The following CYP2C18 variants were observed in gnomAD, a reference collection of about 807,000 sequenced individuals.
CYP2C18 encodes the protein cytochrome P450 2C18.
In CYP2C18, 38 loss-of-function variants were observed where a neutral mutation model predicts 41.3. The observed-to-expected ratio is 0.92, with a 90% CI of 0.71 to 1.21. The LOEUF is 1.21. Ranked by LOEUF, CYP2C18 falls within the 50% of genes most tolerant of loss-of-function variation. CYP2C18 has a pLI of 0.00. For synonymous variants in CYP2C18, 236 were observed against 210.0 expected (o/e 1.12, Z -1.07); for missense variants, 635 against 591.4 (o/e 1.07, Z -0.77).
At chr10:94,723,801 GAGTC>G (rs1205819579) in intron 6 of CYP2C18, among the ~76,000 whole-genome samples, 4 of 152,054 alleles carry the variant, frequency 2.6e-5, no homozygotes, top group Admixed American at 2.6e-4. Context: ...AATAAAAAGA[GAGTC>G]AGTATTTAGA....
At chr10:94,691,385 A>C (rs779464153) in intron 3 of CYP2C18, among the ~76,000 whole-genome samples, 116 of 152,318 alleles carry the variant, frequency 7.6e-4, no homozygotes, top group Non-Finnish European at 1.4e-3. Context: ...AATAGCAGAC[A>C]AACAGAGAGC....
intron 7 of CYP2C18, among the ~76,000 whole-genome samples, chr10:94,725,859 T>C (rs1184074523): frequency 6.6e-6 from 1 of 152,122 alleles, no homozygotes; most frequent in Non-Finnish European, 1.5e-5. Flanking sequence ...GAGACATTGG[T>C]TTGCAATTTT....
intron 5 of CYP2C18, among the ~76,000 whole-genome samples, chr10:94,714,933 T>C (rs1306245323): frequency 6.6e-6 from 1 of 152,188 alleles, no homozygotes; most frequent in Non-Finnish European, 1.5e-5. Flanking sequence ...TTATTCTCTT[T>C]GAAGCAATTG....
intron 7 of CYP2C18, among the ~76,000 whole-genome samples, chr10:94,725,438 C>T (rs1847723497): frequency 6.6e-6 from 1 of 151,444 alleles, no homozygotes; most frequent in Admixed American, 6.6e-5. Flanking sequence ...TCTTATTTTT[C>T]AATTCTTATA....
At position 94,735,191 on chromosome 10, in the gene CYP2C18, T is replaced by G. The variant is rs111784946; in HGVS notation, c.1292-72T>G. ...TCTATTTAATCATTTATCAAATAGT[T>G]ACTGCATACTCTTTGTGACTGTTCA... On this transcript the variant is annotated intron_variant, in intron 8 of 8. Transcript: ENST00000285979. The G allele has an allele frequency of 6.3e-4, 880 of 1,399,016 alleles. 5 individuals are homozygous for G. The African/African-American group carries it at 8.0e-3, about 13-fold the overall frequency. The allele number at this position is 1,399,016 out of a possible 1,614,324, so 86.7% of individuals were successfully genotyped here. A position where few individuals can be genotyped will look rare whatever the true frequency, so the allele number is the denominator to read the frequency against.
At chr10:94,697,284 A>C (rs543650037) in intron 4 of CYP2C18, among the ~76,000 whole-genome samples, 2 of 152,222 alleles carry the variant, frequency 1.3e-5, no homozygotes, top group Non-Finnish European at 2.9e-5. Context: ...CTGATCTCTC[A>C]GCAGAAACTC....
intron 1 of CYP2C18, among the ~76,000 whole-genome samples, chr10:94,685,114 G>A (rs1846861858): frequency 6.6e-6 from 1 of 151,856 alleles, no homozygotes; most frequent in Non-Finnish European, 1.5e-5. Flanking sequence ...GGTCCCTGCA[G>A]CCTTGAGCTC....
intron 5 of CYP2C18, among the ~76,000 whole-genome samples, chr10:94,719,859 C>T (rs1209387387): frequency 6.6e-6 from 1 of 151,922 alleles, no homozygotes; most frequent in Non-Finnish European, 1.5e-5. Flanking sequence ...CAGGCATGTG[C>T]CACCATGCCT....
At chr10:94,692,952 G>T (rs532625712) in intron 3 of CYP2C18, among the ~76,000 whole-genome samples, 1 of 151,312 alleles carries the variant, frequency 6.6e-6, no homozygotes, top group Admixed American at 6.6e-5. Flanking sequence ...TCATAGGTGG[G>T]AATTGAACAA....
chr10:94,698,590 C>T (rs964141337), intron 4 of CYP2C18, among the ~76,000 whole-genome samples: 1 of 152,082 alleles, frequency 6.6e-6, no homozygotes, highest in Non-Finnish European at 1.5e-5. Context: ...CAAGAGCAAA[C>T]ACATTCAAAA....
chr10:94,717,010 CT>C (rs905047362), intron 5 of CYP2C18, among the ~76,000 whole-genome samples: 2 of 152,030 alleles, frequency 1.3e-5, no homozygotes, highest in South Asian at 2.1e-4. Context: ...CAACCCCTGC[CT>C]TTTTTTGTTT....
intron 3 of CYP2C18, among the ~76,000 whole-genome samples, chr10:94,689,346 GT>G (rs1846954971): frequency 6.7e-6 from 1 of 150,292 alleles, no homozygotes; most frequent in Non-Finnish European, 1.5e-5. Context: ...TATTAATCAT[GT>G]TTTTTATTTT....
At chr10:94,705,061 C>T (rs1046338038) in intron 4 of CYP2C18, among the ~76,000 whole-genome samples, 7 of 152,108 alleles carry the variant, frequency 4.6e-5, no homozygotes, top group South Asian at 2.1e-4. Flanking sequence ...GAACCAGGGC[C>T]TTCCACTGCG....
intron 3 of CYP2C18, among the ~76,000 whole-genome samples, chr10:94,689,287 T>C (rs1846953678): frequency 6.6e-6 from 1 of 152,160 alleles, no homozygotes; most frequent in Non-Finnish European, 1.5e-5. Flanking sequence ...TAGTTGTCCA[T>C]TAGCTCTGTA....
intron 4 of CYP2C18, among the ~76,000 whole-genome samples, chr10:94,705,793 T>C (rs1448716779): frequency 2.6e-5 from 4 of 152,156 alleles, no homozygotes; most frequent in Admixed American, 1.3e-4. Flanking sequence ...CTGGGAAAGA[T>C]AGATGATTTC....
intron 4 of CYP2C18, among the ~76,000 whole-genome samples, chr10:94,699,183 G>A (rs778964174): frequency 2.0e-5 from 3 of 152,054 alleles, no homozygotes; most frequent in Non-Finnish European, 4.4e-5. Flanking sequence ...CAAAAAAAGA[G>A]AACTTTAGAC....
intron 7 of CYP2C18, among the ~76,000 whole-genome samples, chr10:94,728,092 G>A (rs1847773454): frequency 6.6e-6 from 1 of 151,592 alleles, no homozygotes; most frequent in African/African-American, 2.4e-5. Flanking sequence ...CTTTTAATTT[G>A]GTTATCTTGT....
Position 94,694,918 on chromosome 10 carries a change from C to T in CYP2C18, c.483C>T (p.Ala161=), listed in dbSNP as rs202163378. Residue 161 remains alanine, a splice_region_variant and synonymous_variant, in exon 4 of 9, where the codon GCC becomes GCT. Coordinates refer to ENST00000285979, the MANE Select transcript of CYP2C18 (RefSeq NM_000772.3). ...TTTAAAATATTTCCAATCCTTTAGCCTCACCCTGTGATCCCACTTTCATCC... is the reference window on the plus strand; with the variant it reads ...TTTAAAATATTTCCAATCCTTTAGCTTCACCCTGTGATCCCACTTTCATCC... ...CLVEELRKTN[A]SPCDPTFILG... 7.9e-5 allele frequency: 127 copies of T among 1,611,312 alleles called. No individual in the cohort carries two copies. In the East Asian group the frequency reaches 2.6e-3, roughly 33 times the overall value.
chr10:94,697,198 A>G (rs1209442400), intron 4 of CYP2C18, among the ~76,000 whole-genome samples: 1 of 152,196 alleles, frequency 6.6e-6, no homozygotes, highest in Non-Finnish European at 1.5e-5. Flanking sequence ...CGAAGTTGAA[A>G]TGAAGGAAAA....
Sources: gnomAD v4.1 joint callset for allele counts (sites outside exome capture counted in the v4.1 genomes callset) on GRCh38, gnomAD v4.1.1 for gene constraint, MANE v1.5 for transcripts, NCBI Gene and HGNC (gene_info 2026-07-23, HGNC 2026-07-21) for gene names.